Variants in CASZ1 observed in about 807,000 individuals in gnomAD.
The protein encoded by CASZ1 is castor zinc finger 1.
In CASZ1, 28 loss-of-function variants were observed where a neutral mutation model predicts 135.2. The ratio of observed to expected loss-of-function variants is 0.21; its 90% confidence interval spans 0.15 to 0.28. CASZ1 has a LOEUF of 0.28. Among genes scored for constraint, CASZ1 ranks in the 10% least tolerant of loss-of-function variants. CASZ1 has a pLI of 1.00. For synonymous variants in CASZ1, 1,068 were observed against 1,073.4 expected (o/e 0.99, Z 0.10); for missense variants, 2,161 against 2,453.3 (o/e 0.88, Z 2.52).
In CASZ1 at chr1:10,642,757, G is replaced by T. The variant is rs35619052; in HGVS notation, c.4162+102C>A. On this transcript the variant is annotated intron_variant, in intron 20 of 20. Coordinates refer to ENST00000377022, the MANE Select transcript of CASZ1 (RefSeq NM_001079843.3). ...TGCTGCACGCCAGCCTGTCCTCCTCGGAGGCCGCGTGCCCCGGACCTTCTG... is the reference window on the plus strand; with the variant it reads ...TGCTGCACGCCAGCCTGTCCTCCTCTGAGGCCGCGTGCCCCGGACCTTCTG... 136 of 1,350,848 alleles carry T rather than the reference G, an allele frequency of 1.0e-4. 3 individuals carry two copies. The South Asian group carries it at 1.8e-3, about 18-fold the overall frequency. The allele number at this position is 1,350,848 out of a possible 1,614,324, so 83.7% of individuals were successfully genotyped here.
rs958989543 is a variant in CASZ1 at position 10,706,479 on chromosome 1, G to T, written c.-76-935C>A. On this transcript the variant is annotated intron_variant, in intron 2 of 20. Coordinates refer to ENST00000377022, the MANE Select transcript of CASZ1 (RefSeq NM_001079843.3). This position sits in a 1 kb window ranked among gnomAD's most constrained non-coding sequence, Gnocchi z 4.3. ...CCCTCATTTGTGGCTTATCAATGAT[G>T]CAAGAGGAATAACACCAATTTCCTT... 6.6e-6 allele frequency among the ~76,000 whole-genome samples: 1 copy of T among 152,204 alleles called. No individual in the cohort carries two copies. The highest frequency in any genetic ancestry group is 1.5e-5 in the Non-Finnish European group (1 of 68,032).
chr1:10,770,181 C>T (rs1271236716), intron 1 of CASZ1, among the ~76,000 whole-genome samples: 1 of 152,084 alleles, frequency 6.6e-6, no homozygotes, highest in Non-Finnish European at 1.5e-5. Context: ...ACCTCCTGGG[C>T]TCAAGCCATA....
Position 10,648,129 on chromosome 1 carries a change from G to A in CASZ1, c.3169C>T (p.Arg1057Trp), listed in dbSNP as rs369772802. ...CCTTTTGCTGCTCCTCCCTCTGTCC[G>A]GAAGTGGAAGCTGCGAGAGGTAGAA... is the stretch of plus-strand genomic sequence containing the variant. Reference protein sequence around the residue: ...GAIKHANFHFRTEGGAAKGNT... With the variant: ...GAIKHANFHFWTEGGAAKGNT... Residue 1057 changes from arginine to tryptophan, a missense_variant, in exon 16 of 21, where the codon CGG (arginine) becomes TGG (tryptophan). Around this residue, in one of 7 missense-constraint regions of CASZ1, gnomAD observed 349 missense variants for 460.8 expected, o/e 0.76. Coordinates refer to ENST00000377022, the MANE Select transcript of CASZ1 (RefSeq NM_001079843.3). 2.6e-6 allele frequency: 4 copies of A among 1,520,332 alleles called. No homozygotes were observed. The highest frequency in any genetic ancestry group is 1.3e-5 in the South Asian group (1 of 77,502). 94.2% of individuals were successfully genotyped at this position (1,520,332 alleles called of 1,614,324 possible). A position where few individuals can be genotyped will look rare whatever the true frequency, so the allele number is the denominator to read the frequency against.
chr1:10,641,348 T>A (rs1213913160), intron 20 of CASZ1, among the ~76,000 whole-genome samples: 3 of 152,176 alleles, frequency 2.0e-5, no homozygotes, highest in African/African-American at 7.2e-5. Context: ...GGCCCTGCCC[T>A]GGCCATAACT....
Position 10,739,341 on chromosome 1 carries a change from G to A in CASZ1, c.-77+21360C>T, listed in dbSNP as rs560165902. Among the ~76,000 whole-genome samples, 17 of 152,232 alleles carry A rather than the reference G, an allele frequency of 1.1e-4. No homozygotes were observed. The highest frequency in any genetic ancestry group is 3.1e-4 in the African/African-American group (13 of 41,534). On this transcript the variant is annotated intron_variant, in intron 2 of 20. Coordinates refer to ENST00000377022, the MANE Select transcript of CASZ1 (RefSeq NM_001079843.3). This position sits in a 1 kb window ranked among gnomAD's most constrained non-coding sequence, Gnocchi z 4.8. The stretch of plus-strand genomic sequence containing the variant: ...TGTGCCACTCTGTGAGTGTCACCGC[G>A]AGGGAAACCCTCCCAGGGGCCCGGG...
At chr1:10,738,596 C>T (rs189646846) in intron 2 of CASZ1, among the ~76,000 whole-genome samples, 1 of 152,376 alleles carries the variant, frequency 6.6e-6, no homozygotes, top group African/African-American at 2.4e-5. Context: ...TTCTCCAGCC[C>T]TTCGACCCCA....
In CASZ1 at chr1:10,747,573, G is replaced by C. The variant is rs1640067772; in HGVS notation, c.-77+13128C>G. Among the ~76,000 whole-genome samples, 1 of 152,164 alleles carries C rather than the reference G, an allele frequency of 6.6e-6. No homozygotes were observed. The highest frequency in any genetic ancestry group is 6.5e-5 in the Admixed American group (1 of 15,278). ...GCTTTGCAGAGTGGGGAGAAGGTGAGGTGGGCTCAGGGTCCCTAATCAAAG... is the reference window on the plus strand; with the variant it reads ...GCTTTGCAGAGTGGGGAGAAGGTGACGTGGGCTCAGGGTCCCTAATCAAAG... On this transcript the variant is annotated intron_variant, in intron 2 of 20. Transcript: ENST00000377022. This position sits in a 1 kb window ranked among gnomAD's most constrained non-coding sequence, Gnocchi z 4.3.
At position 10,675,385 on chromosome 1, in the gene CASZ1, G is replaced by A. The variant is rs1037711380; in HGVS notation, c.17-9814C>T. Among the ~76,000 whole-genome samples the A allele has an allele frequency of 6.6e-5, 10 of 152,298 alleles. No homozygotes were observed. In the East Asian group the frequency reaches 1.9e-3, roughly 30 times the overall value. On this transcript the variant is annotated intron_variant, in intron 4 of 20. Transcript: ENST00000377022. ...GGCCAGAAACCCCGAGGCAAGGCTG[G>A]CGGGAAGGAATGGGGGTCCTGGGGT... is the stretch of plus-strand genomic sequence containing the variant.
intron 4 of CASZ1, among the ~76,000 whole-genome samples, chr1:10,675,018 C>G (rs1305247055): frequency 3.3e-5 from 5 of 152,168 alleles, no homozygotes; most frequent in African/African-American, 7.2e-5. Flanking sequence ...CTCAGATACC[C>G]CCCGCAACCA....
intron 2 of CASZ1, among the ~76,000 whole-genome samples, chr1:10,734,775 C>T (rs1021751350): frequency 1.3e-5 from 2 of 152,150 alleles, no homozygotes; most frequent in Admixed American, 6.5e-5. Context: ...ACCGGAGCAC[C>T]ACAATGTTTG....
Position 10,742,910 on chromosome 1 carries a change from G to A in CASZ1, c.-77+17791C>T, listed in dbSNP as rs542480288. Among the ~76,000 whole-genome samples, 50 of 152,124 alleles carry A rather than the reference G, an allele frequency of 3.3e-4. No individual in the cohort carries two copies. In the South Asian group the frequency reaches 4.0e-3, roughly 12 times the overall value. The stretch of plus-strand genomic sequence containing the variant: ...TGAGATGGGAGAATTGCTTGAACCC[G>A]GGAGGCAGAGGTTGCAGTGAGCCGA... On this transcript the variant is annotated intron_variant, in intron 2 of 20. Coordinates refer to ENST00000377022, the MANE Select transcript of CASZ1 (RefSeq NM_001079843.3).
chr1:10,757,348 C>T lies in CASZ1; in HGVS notation c.-77+3353G>A, dbSNP rs1240216938. On this transcript the variant is annotated intron_variant, in intron 2 of 20. Coordinates refer to ENST00000377022, the MANE Select transcript of CASZ1 (RefSeq NM_001079843.3). This position sits in a 1 kb window ranked among gnomAD's most constrained non-coding sequence, Gnocchi z 4.6. ...AATCCATCATTGAGTCCTGCTAACTCTTCCTCTATACACATACAGGCTCTG... is the reference window on the plus strand; with the variant it reads ...AATCCATCATTGAGTCCTGCTAACTTTTCCTCTATACACATACAGGCTCTG... Among the ~76,000 whole-genome samples the T allele has an allele frequency of 1.3e-5, 2 of 152,150 alleles. No homozygotes were observed. Among genetic ancestry groups the T allele is most frequent in the African/African-American group, 4.8e-5 (2 of 41,422 alleles).
chr1:10,688,924 C>T (rs926667361), intron 4 of CASZ1, among the ~76,000 whole-genome samples: 6 of 152,130 alleles, frequency 3.9e-5, no homozygotes, highest in South Asian at 2.1e-4. Flanking sequence ...TGCTGCTTGC[C>T]GTGGGGACCC....
Position 10,788,998 on chromosome 1 carries a change from G to A in CASZ1, c.-234+7566C>T, listed in dbSNP as rs574679152. ...CTGCTTCTCACAGTGGCCACTGCAG[G>A]GGAGCCCAAGGGGACAGTAAGGGGG... On this transcript the variant is annotated intron_variant, in intron 1 of 20. Transcript: ENST00000377022. The surrounding 1 kb of genome is among the most constrained non-coding windows in gnomAD (Gnocchi z 4.1). 3.9e-5 allele frequency among the ~76,000 whole-genome samples: 6 copies of A among 152,276 alleles called. No homozygotes were observed. The East Asian group carries it at 9.6e-4, about 24-fold the overall frequency.
At position 10,648,089 on chromosome 1, in the gene CASZ1, G is replaced by A; in HGVS notation, c.3209C>T (p.Ala1070Val). 6.4e-7 allele frequency: 1 copy of A among 1,571,570 alleles called. No homozygotes were observed. The highest frequency in any genetic ancestry group is 8.6e-7 in the Non-Finnish European group (1 of 1,159,676). Reference protein sequence around the residue: ...GGAAKGNTEAAFPASAAETKP... With the variant: ...GGAAKGNTEAVFPASAAETKP... ...GGTCTCGGCGGCCGAGGCCGGAAAGGCAGCCTCTGTGTTTCCTTTTGCTGC... is the reference window on the plus strand; with the variant it reads ...GGTCTCGGCGGCCGAGGCCGGAAAGACAGCCTCTGTGTTTCCTTTTGCTGC... Residue 1070 changes from alanine (A) to valine (V), a missense_variant, in exon 16 of 21, where the codon GCC becomes GTC. By Grantham distance (64) the Ala-to-Val change is moderately conservative. This residue lies in a region of CASZ1 where 349 missense variants were observed against 460.8 expected (regional missense o/e 0.76). Coordinates refer to ENST00000377022, the MANE Select transcript of CASZ1 (RefSeq NM_001079843.3).
At chr1:10,764,101 G>C (rs755018321) in intron 1 of CASZ1, among the ~76,000 whole-genome samples, 9 of 152,216 alleles carry the variant, frequency 5.9e-5, no homozygotes, top group Non-Finnish European at 1.3e-4. Context: ...GACCTCAGGT[G>C]ATCGGCCTGC....
chr1:10,751,311 G>A (rs1392478842), intron 2 of CASZ1, among the ~76,000 whole-genome samples: 1 of 152,088 alleles, frequency 6.6e-6, no homozygotes, highest in East Asian at 1.9e-4. Flanking sequence ...AGACCTGCCT[G>A]GCCTAGAATC....
rs199716442 is a variant in CASZ1, at chr1:10,650,711, A to G, written c.2861T>C (p.Leu954Ser). 7.4e-5 allele frequency: 120 copies of G among 1,613,860 alleles called. No individual in the cohort carries two copies. Among genetic ancestry groups the G allele is most frequent in the Non-Finnish European group, 9.3e-5 (110 of 1,179,824 alleles). ...GHAVPANSSL[L>S]SSLMNKMSQG... ...TCTTACCTTATTCATAAGCGAGGATAAAAGAGATGAATTTGCCGGGACTGC... is the reference window on the plus strand; with the variant it reads ...TCTTACCTTATTCATAAGCGAGGATGAAAGAGATGAATTTGCCGGGACTGC... The change falls in exon 13 of 21, where the codon TTA becomes TCA. Residue 954 changes from leucine to serine, a missense_variant. Around this residue, in one of 7 missense-constraint regions of CASZ1, gnomAD observed 406 missense variants for 387.6 expected, o/e 1.05. Transcript: ENST00000377022.
In CASZ1 at chr1:10,639,134, GTCCTCGTCCTCGTCGTCT is replaced by G; in HGVS notation, c.5070_5087del (p.Glu1690_Glu1695del). 1 of 1,122,856 alleles carries G rather than the reference GTCCTCGTCCTCGTCGTCT, an allele frequency of 8.9e-7. No homozygotes were observed. Among genetic ancestry groups the G allele is most frequent in the Non-Finnish European group, 1.1e-6 (1 of 901,848 alleles). 69.6% of individuals were successfully genotyped at this position (1,122,856 alleles called of 1,614,324 possible). On this transcript the variant is annotated inframe_deletion, in exon 21 of 21. Transcript: ENST00000377022. The surrounding 1 kb of genome is among the most constrained non-coding windows in gnomAD (Gnocchi z 4.0). ...CCTCGTCGTCGTCGTCCTCGTCGTCGTCCTCGTCCTCGTCGTCTTCGGCCTCCTCCTCCGGCAGCTCCA... is the reference window on the plus strand; with the variant it reads ...CCTCGTCGTCGTCGTCCTCGTCGTCGTCGGCCTCCTCCTCCGGCAGCTCCA...
Sources: allele counts gnomAD v4.1 joint callset (sites outside exome capture counted in the v4.1 genomes callset), GRCh38; gene constraint gnomAD v4.1.1; regional missense constraint gnomAD v4.1.1; non-coding constraint Gnocchi (gnomAD v3.1); transcripts MANE v1.5; gene names NCBI Gene and HGNC (gene_info 2026-07-23, HGNC 2026-07-21).